The following DIP2A variants were observed in gnomAD, a reference collection of about 807,000 sequenced individuals.
The protein encoded by DIP2A is disco-interacting protein 2 homolog A.
DIP2A carries 85 observed loss-of-function variants against 177.4 expected under a neutral mutation model. The ratio of observed to expected loss-of-function variants is 0.48; its 90% CI spans 0.40 to 0.57. DIP2A has a LOEUF of 0.57. Among genes scored for constraint, DIP2A ranks in the 20% least tolerant of loss-of-function variants. The pLI is 0.00. For synonymous variants in DIP2A, 886 were observed against 881.8 expected, an observed-to-expected ratio of 1.00 and a Z score of -0.08; for missense variants, 1,791 against 2,100.2, an observed-to-expected ratio of 0.85 and a Z score of 2.88.
chr21:46,513,421 G>A (rs1479744651), intron 8 of DIP2A, among the ~76,000 whole-genome samples: 2 of 152,068 alleles, frequency 1.3e-5, no homozygotes, highest in Non-Finnish European at 2.9e-5. Flanking sequence ...TGTACTTGCG[G>A]GTCTGTTTCT....
chr21:46,575,889 C>G, the DIP2A span, among the ~76,000 whole-genome samples: 2 of 152,130 alleles, frequency 1.3e-5, no homozygotes, highest in African/African-American at 2.4e-5. Context: ...TGCAGAAAGA[C>G]TAACTCATTC....
At chr21:46,517,496 C>A (rs2058639919) in intron 8 of DIP2A, among the ~76,000 whole-genome samples, 1 of 152,220 alleles carries the variant, frequency 6.6e-6, no homozygotes, top group African/African-American at 2.4e-5. Flanking sequence ...CTGGTCGCTG[C>A]AGTCCAGTCA....
In DIP2A at chr21:46,497,118, A is replaced by G. The variant is rs1335482766; in HGVS notation, c.403+11A>G. ...CCTACACCCCTCCAGGTATTGATAA[A>G]CAATGTCAAGTGTGGCTTTTTTTTG... On this transcript the variant is annotated intron_variant, in intron 4 of 37. Transcript: ENST00000417564. 3 of 1,557,622 alleles carry G rather than the reference A, an allele frequency of 1.9e-6. No individual in the cohort carries two copies. The highest frequency in any genetic ancestry group is 2.6e-6 in the Non-Finnish European group (3 of 1,160,476).
At position 46,569,300 on chromosome 21, in the gene DIP2A, C is replaced by T. The variant is rs951850783; in HGVS notation, c.*1678C>T. On this transcript the variant is annotated 3_prime_UTR_variant, in exon 38 of 38. Coordinates refer to ENST00000417564, the MANE Select transcript of DIP2A (RefSeq NM_015151.4). ...TACTCCTGTCTGGCTACAAATAGCA[C>T]TGTGCATAGTAGCCCTGTTTCCCCA... 4 of 152,162 alleles carry T rather than the reference C, an allele frequency of 2.6e-5. No individual in the cohort carries two copies. The highest frequency in any genetic ancestry group is 5.9e-5 in the Non-Finnish European group (4 of 68,030). The allele number at this position is 152,162 out of a possible 1,614,324, so 9.4% of individuals were successfully genotyped here.
the DIP2A span, among the ~76,000 whole-genome samples, chr21:46,582,168 C>T: frequency 6.6e-6 from 1 of 152,186 alleles, no homozygotes; most frequent in Non-Finnish European, 1.5e-5. Flanking sequence ...CAGGGAGGCC[C>T]TGCCCATTGA....
At chr21:46,479,797 T>G (rs113667983) in intron 1 of DIP2A, among the ~76,000 whole-genome samples, 4,428 of 152,284 alleles carry the variant, frequency 0.029, 107 homozygotes, top group Non-Finnish European at 0.049. Flanking sequence ...CCTCCCAAAG[T>G]GCTGGGATTA....
In DIP2A at chr21:46,498,158, C is replaced by A. The variant is rs1245509121; in HGVS notation, c.404-424C>A. 2.0e-5 allele frequency among the ~76,000 whole-genome samples: 3 copies of A among 152,200 alleles called. No individual in the cohort carries two copies. Among genetic ancestry groups the A allele is most frequent in the Non-Finnish European group, 2.9e-5 (2 of 68,036 alleles). On this transcript the variant is annotated intron_variant, in intron 4 of 37. Coordinates refer to ENST00000417564, the MANE Select transcript of DIP2A (RefSeq NM_015151.4). The surrounding 1 kb of genome is among the most constrained non-coding windows in gnomAD (Gnocchi z 4.3). The stretch of plus-strand genomic sequence containing the variant: ...GGCCAGGATGCCTTCTCACTGCCTC[C>A]AAGATGTAGGGCCGGGCACAGGCTC...
downstream of DIP2A, among the ~76,000 whole-genome samples, chr21:46,572,802 G>A (rs527258102): frequency 6.6e-6 from 1 of 152,312 alleles, no homozygotes; most frequent in African/African-American, 2.4e-5. Context: ...TGAGTGCCCT[G>A]TACAAGTGTA....
the DIP2A span, among the ~76,000 whole-genome samples, chr21:46,578,332 A>G: frequency 6.7e-6 from 1 of 149,342 alleles, no homozygotes; most frequent in Non-Finnish European, 1.5e-5. Context: ...AAACAAAAAC[A>G]ACGACAACAA....
At chr21:46,465,365 C>T (rs968384214) in intron 1 of DIP2A, among the ~76,000 whole-genome samples, 3 of 151,758 alleles carry the variant, frequency 2.0e-5, no homozygotes, top group Non-Finnish European at 4.4e-5. Flanking sequence ...GTCTGGAGTT[C>T]GAGACCAGCC....
chr21:46,512,502 G>C (rs1378225288), intron 8 of DIP2A, among the ~76,000 whole-genome samples: 1 of 152,176 alleles, frequency 6.6e-6, no homozygotes, highest in East Asian at 1.9e-4. Context: ...GTGTGTTGTA[G>C]CACAGGCTAA....
At chr21:46,530,654 A>G (rs2059317882) in intron 9 of DIP2A, among the ~76,000 whole-genome samples, 1 of 152,214 alleles carries the variant, frequency 6.6e-6, no homozygotes, top group Admixed American at 6.5e-5. Context: ...GGAGTCGAGA[A>G]AGAGAAAGGA....
intron 17 of DIP2A, among the ~76,000 whole-genome samples, 183 bp downstream of exon 17, chr21:46,540,174 C>T (rs1376655626): frequency 1.3e-5 from 2 of 152,164 alleles, no homozygotes; most frequent in Non-Finnish European, 2.9e-5. Flanking sequence ...TAGGAACTTC[C>T]TGGGCCATAC....
chr21:46,459,959 G>A (rs890828372), intron 1 of DIP2A, among the ~76,000 whole-genome samples: 2 of 152,072 alleles, frequency 1.3e-5, no homozygotes, highest in Non-Finnish European at 2.9e-5. Context: ...GCTTGGTCTG[G>A]GCTTCACCAG....
At chr21:46,521,408 C>G (rs1029406057) in intron 8 of DIP2A, among the ~76,000 whole-genome samples, 4 of 152,186 alleles carry the variant, frequency 2.6e-5, no homozygotes, top group Non-Finnish European at 5.9e-5. Context: ...AGGCTTATCT[C>G]AAACTCCTGA....
chr21:46,512,959 C>T (rs962476173), intron 8 of DIP2A, among the ~76,000 whole-genome samples: 1 of 152,130 alleles, frequency 6.6e-6, no homozygotes, highest in Non-Finnish European at 1.5e-5. Flanking sequence ...TGCACCTGGC[C>T]TCTTATTTCT....
At position 46,550,552 on chromosome 21, in the gene DIP2A, A is replaced by G; in HGVS notation, c.2647A>G (p.Ser883Gly). 3 of 1,612,830 alleles carry G rather than the reference A, an allele frequency of 1.9e-6. No homozygotes were observed. Among genetic ancestry groups the G allele is most frequent in the East Asian group, 2.2e-5 (1 of 44,854 alleles). The change falls in exon 23 of 38, where the codon AGC (serine) becomes GGC (glycine). Residue 883 changes from serine (S) to glycine (G), a missense_variant. By Grantham distance (56) the Ser-to-Gly change is moderately conservative (BLOSUM62 0). Transcript: ENST00000417564. ...WMSRVLQAID[S>G]IHQVGVYCLA... ...GGTCCTTCCCTTTCAGGCCATTGAT[A>G]GCATCCACCAGGTGGGCGTGTACTG...
intron 2 of DIP2A, among the ~76,000 whole-genome samples, chr21:46,487,709 T>C (rs557560064): frequency 9.3e-4 from 141 of 152,342 alleles, no homozygotes; most frequent in African/African-American, 3.0e-3. Flanking sequence ...AAAAATCTTA[T>C]TCATAATGAA....
Position 46,558,400 on chromosome 21 carries a change from T to G in DIP2A, c.3969+7T>G. 7.0e-7 allele frequency: 1 copy of G among 1,427,184 alleles called. No homozygotes were observed. The highest frequency in any genetic ancestry group is 9.1e-7 in the Non-Finnish European group (1 of 1,096,648). The allele number at this position is 1,427,184 out of a possible 1,614,324, so 88.4% of individuals were successfully genotyped here. ...CGTGGCCATCTGCCTCCAGGTGAGGTGCCTGGGGCTGCGGTTCTCGAAAGC... is the reference window on the plus strand; with the variant it reads ...CGTGGCCATCTGCCTCCAGGTGAGGGGCCTGGGGCTGCGGTTCTCGAAAGC... On this transcript the variant is annotated splice_region_variant and intron_variant, in intron 32 of 37. Coordinates refer to ENST00000417564, the MANE Select transcript of DIP2A (RefSeq NM_015151.4).
Sources: allele counts gnomAD v4.1 joint callset (sites outside exome capture counted in the v4.1 genomes callset), GRCh38; gene constraint gnomAD v4.1.1; non-coding constraint Gnocchi (gnomAD v3.1); transcripts MANE v1.5; gene names NCBI Gene and HGNC (gene_info 2026-07-23, HGNC 2026-07-21).